Variants in TENM2 observed in about 807,000 individuals in gnomAD.
The protein encoded by TENM2 is teneurin transmembrane protein 2.
Under a neutral mutation model 245.2 loss-of-function variants are expected in TENM2, and 52 were observed. The observed-to-expected ratio is 0.21, with a 90% CI of 0.17 to 0.27. TENM2 has a LOEUF of 0.27. Among genes scored for constraint, TENM2 ranks in the 10% least tolerant of loss-of-function variants. The pLI is 1.00. For missense variants in TENM2, 3,046 were observed against 3,666.8 expected (o/e 0.83, Z 4.37); for synonymous variants, 1,363 against 1,438.9 (o/e 0.95, Z 1.19).
chr5:167,300,900 G>A (rs1755272793), intron 1 of TENM2, among the ~76,000 whole-genome samples: 2 of 152,124 alleles, frequency 1.3e-5, no homozygotes, highest in South Asian at 4.1e-4. Flanking sequence ...TAACTAAAAA[G>A]GAGTGCTTAA....
the TENM2 span, among the ~76,000 whole-genome samples, chr5:167,034,629 C>CAAAAAAA: frequency 9.7e-5 from 7 of 72,244 alleles, no homozygotes; most frequent in Admixed American, 2.1e-4. Flanking sequence ...GACTCCGTCT[C>CAAAAAAA]AAAAAAAAAA....
At chr5:168,215,199 G>A (rs1277157450) in exon 21 of TENM2, 3 of 1,613,952 alleles carry the variant, frequency 1.9e-6, no homozygotes, top group South Asian at 2.2e-5. Context: ...CGGGAGAGCA[G>A]TGTCTACCCT....
At chr5:167,930,771 T>TA (rs397737158) in intron 3 of TENM2, among the ~76,000 whole-genome samples, 15,736 of 151,714 alleles carry the variant, frequency 0.1, 828 homozygotes, top group Middle Eastern at 0.15. Flanking sequence ...TTTTTTTTTT[T>TA]AAAAAAGCAT....
intron 27 of TENM2, among the ~76,000 whole-genome samples, chr5:168,253,397 CA>C (rs1173357141): frequency 6.8e-5 from 10 of 148,078 alleles, no homozygotes; most frequent in Non-Finnish European, 1.2e-4. Flanking sequence ...AAGCACAGAG[CA>C]AAAAAAGCTA....
intron 2 of TENM2, among the ~76,000 whole-genome samples, chr5:167,472,793 AATAAACC>A (rs1314972693): frequency 6.6e-6 from 1 of 152,242 alleles, no homozygotes; most frequent in African/African-American, 2.4e-5. Flanking sequence ...GTGTGAAGTT[AATAAACC>A]ATAATTGGAA....
At position 168,090,501 on chromosome 5, in the gene TENM2, G is replaced by T. The variant is rs1045459519; in HGVS notation, c.1516-73G>T. 36 of 1,360,666 alleles carry T rather than the reference G, an allele frequency of 2.6e-5. 1 individual carries two copies. Among genetic ancestry groups the T allele is most frequent in the Middle Eastern group, 2.7e-4 (1 of 3,678 alleles). The allele number at this position is 1,360,666 out of a possible 1,614,324, so 84.3% of individuals were successfully genotyped here. On this transcript the variant is annotated intron_variant, in intron 7 of 28. Transcript: ENST00000518659. ...TCTTTCTCCATTAACAAATGGGTTCGGGGGGAAGGTACCAGGTATGGGACC... is the reference window on the plus strand; with the variant it reads ...TCTTTCTCCATTAACAAATGGGTTCTGGGGGAAGGTACCAGGTATGGGACC...
chr5:167,760,937 C>T (rs2150707479), intron 2 of TENM2, among the ~76,000 whole-genome samples: 1 of 152,230 alleles, frequency 6.6e-6, no homozygotes, highest in Non-Finnish European at 1.5e-5. Flanking sequence ...AGGGGTGAGC[C>T]ACCGCACCTG....
At chr5:168,263,088 A>C, downstream of TENM2, 1 of 374,024 alleles carries the variant, frequency 2.7e-6, no homozygotes, top group Non-Finnish European at 4.8e-6. Flanking sequence ...CCCCTAAAAT[A>C]TGACCCACTT....
chr5:167,642,116 G>A (rs1445672981), intron 2 of TENM2, among the ~76,000 whole-genome samples: 1 of 149,032 alleles, frequency 6.7e-6, no homozygotes, highest in African/African-American at 2.5e-5. Context: ...ACTCCAGCCT[G>A]GGCAACAGAG....
intron 2 of TENM2, among the ~76,000 whole-genome samples, chr5:167,664,008 A>G (rs1354399717): frequency 1.3e-5 from 2 of 152,196 alleles, no homozygotes; most frequent in Non-Finnish European, 2.9e-5. Context: ...TTTCTGCTCA[A>G]TACTGCTCAT....
chr5:167,536,860 A>G (rs1771883662), intron 2 of TENM2, among the ~76,000 whole-genome samples: 2 of 151,990 alleles, frequency 1.3e-5, no homozygotes, highest in Admixed American at 1.3e-4. Context: ...TCTACTAAAA[A>G]TATAAAAACA....
the TENM2 span, among the ~76,000 whole-genome samples, chr5:167,163,422 A>G: frequency 1.3e-4 from 20 of 152,162 alleles, no homozygotes; most frequent in Non-Finnish European, 2.8e-4. Context: ...ATGAATACAC[A>G]TTCTTCTCGG....
At chr5:167,209,366 C>A in the TENM2 span, among the ~76,000 whole-genome samples, 3 of 151,622 alleles carry the variant, frequency 2.0e-5, no homozygotes, top group Non-Finnish European at 4.4e-5. Context: ...CAGGTTCAAG[C>A]GATTCTCCTG....
At chr5:167,175,853 G>T in the TENM2 span, among the ~76,000 whole-genome samples, 1 of 152,182 alleles carries the variant, frequency 6.6e-6, no homozygotes, top group Admixed American at 6.5e-5. Flanking sequence ...GGGATTACAG[G>T]CGCGTGCCGT....
rs970927085 is a variant in TENM2, at chr5:167,318,276, T to C, written c.226+33213T>C. Among the ~76,000 whole-genome samples, 7 of 152,302 alleles carry C rather than the reference T, an allele frequency of 4.6e-5. No individual in the cohort carries two copies. In the East Asian group the frequency reaches 1.2e-3, roughly 25 times the overall value. On this transcript the variant is annotated intron_variant, in intron 1 of 28. Coordinates refer to ENST00000518659, the Ensembl canonical transcript of TENM2. ...TCAGAGGAGAATACCTTGAGAAAAT[T>C]TGAAATTAACCATTTCAGAATAGGG...
chr5:167,442,787 TA>T (rs914641015), intron 2 of TENM2, among the ~76,000 whole-genome samples: 15 of 152,154 alleles, frequency 9.9e-5, no homozygotes, highest in Admixed American at 9.8e-4. Context: ...TTCAGTAGGT[TA>T]AAAAATTGCA....
At chr5:167,765,333 G>A (rs955945268) in intron 2 of TENM2, among the ~76,000 whole-genome samples, 1 of 152,166 alleles carries the variant, frequency 6.6e-6, no homozygotes, top group South Asian at 2.1e-4. Context: ...CAAATGCAGG[G>A]GGTTAGAGTT....
At chr5:167,842,870 T>C (rs36098019) in intron 2 of TENM2, among the ~76,000 whole-genome samples, 21,849 of 152,208 alleles carry the variant, frequency 0.14, 2,575 homozygotes, top group East Asian at 0.57. Flanking sequence ...CACTTAGCCG[T>C]GCTGGGCTAA....
intron 20 of TENM2, among the ~76,000 whole-genome samples, chr5:168,212,810 G>A (rs1250616480): frequency 1.3e-5 from 2 of 152,146 alleles, no homozygotes; most frequent in African/African-American, 4.8e-5. Context: ...CACAGGTATG[G>A]AGGCATGGCT....
Sources: allele counts gnomAD v4.1 joint callset (sites outside exome capture counted in the v4.1 genomes callset), GRCh38; gene constraint gnomAD v4.1.1; transcripts MANE v1.5; gene names NCBI Gene and HGNC (gene_info 2026-07-23, HGNC 2026-07-21).